The following NAV2 variants were observed in gnomAD, a reference collection of about 807,000 sequenced individuals.
NAV2 encodes the protein neuron navigator 2, also known as helicase, APC down-regulated 1.
NAV2 carries 54 observed loss-of-function variants against 223.2 expected under a neutral mutation model. That is an observed-to-expected ratio of 0.24 (90% CI 0.19 to 0.30). The LOEUF (loss-of-function observed/expected upper bound fraction) is 0.30, where lower values mean the gene tolerates loss of function less well. NAV2 is among the 10% of genes least tolerant of loss of function. NAV2 has a pLI of 1.00. For synonymous variants in NAV2, 1,279 were observed against 1,239.3 expected (o/e 1.03, Z -0.67); for missense variants, 2,806 against 3,147.5 (o/e 0.89, Z 2.60).
chr11:19,984,416 AGG>A (rs2050579133), intron 11 of NAV2, among the ~76,000 whole-genome samples, 169 bp downstream of exon 11: 1 of 152,066 alleles, frequency 6.6e-6, no homozygotes, highest in African/African-American at 2.4e-5. Flanking sequence ...TAGGTAGGAA[AGG>A]GCTGCCGAGG....
At chr11:19,622,524 C>T (rs1338327556) in intron 1 of NAV2, among the ~76,000 whole-genome samples, 1 of 152,122 alleles carries the variant, frequency 6.6e-6, no homozygotes, top group Admixed American at 6.6e-5. Flanking sequence ...CCTTCCTTGT[C>T]TCTTTTGATC....
chr11:19,595,389 C>T (rs750377045), intron 1 of NAV2, among the ~76,000 whole-genome samples: 11 of 152,152 alleles, frequency 7.2e-5, no homozygotes, highest in Non-Finnish European at 1.6e-4. Context: ...GTGTCTGCTA[C>T]ACCACTTTAA....
chr11:19,615,432 C>T (rs2046763674), intron 1 of NAV2, among the ~76,000 whole-genome samples: 1 of 151,914 alleles, frequency 6.6e-6, no homozygotes, highest in Non-Finnish European at 1.5e-5. Flanking sequence ...ATGTCTTAGG[C>T]AATGTCTAAC....
At position 20,101,030 on chromosome 11, in the gene NAV2, G is replaced by A. The variant is rs751254159; in HGVS notation, c.6275G>A (p.Arg2092His). 25 of 1,613,960 alleles carry A rather than the reference G, an allele frequency of 1.5e-5. No individual in the cohort carries two copies. Among genetic ancestry groups the A allele is most frequent in the Middle Eastern group, 3.3e-4 (2 of 6,084 alleles). ...TACGTCTCCCTCCTGATAGAGCACC[G>A]TCGGATCATTCTCTCTGGCCCCAGC... is the stretch of plus-strand genomic sequence containing the variant. ...QRYVSLLIEH[R>H]RIILSGPSGT... The change falls in exon 32 of 38, where the codon CGT becomes CAT. Residue 2092 changes from arginine (R) to histidine (H), a missense_variant. This residue lies in a region of NAV2 where 824 missense variants were observed against 1,069.4 expected (regional missense o/e 0.77). Coordinates refer to ENST00000349880, the MANE Select transcript of NAV2 (RefSeq NM_145117.5).
At chr11:20,117,050 C>A (rs10766628) in intron 37 of NAV2, among the ~76,000 whole-genome samples, 111,293 of 151,982 alleles carry the variant, frequency 0.73, 43,074 homozygotes, top group Middle Eastern at 0.88. Context: ...TGCAGCCTGG[C>A]GCATCTGGGT....
At chr11:19,756,250 A>C (rs1035701) in intron 1 of NAV2, among the ~76,000 whole-genome samples, 41,439 of 152,070 alleles carry the variant, frequency 0.27, 5,960 homozygotes, top group Middle Eastern at 0.4. Context: ...GGGTATGCTT[A>C]AATTATTGCT....
intron 3 of NAV2, 72 bp from the exon 4 acceptor site, chr11:19,868,853 T>C (rs929023968): frequency 6.8e-7 from 1 of 1,473,902 alleles, no homozygotes; most frequent in Non-Finnish European, 9.4e-7. Context: ...GTTTTCCCAT[T>C]GTTCCTCATA....
At chr11:19,497,071 AC>A (rs2042819469) in intron 1 of NAV2, among the ~76,000 whole-genome samples, 1 of 152,174 alleles carries the variant, frequency 6.6e-6, no homozygotes, top group Non-Finnish European at 1.5e-5. Context: ...TAAAGATAGT[AC>A]CCATCCCAGC....
chr11:20,036,468 T>C (rs2056384874), intron 12 of NAV2, among the ~76,000 whole-genome samples: 1 of 152,204 alleles, frequency 6.6e-6, no homozygotes, highest in Non-Finnish European at 1.5e-5. Flanking sequence ...AGCAAGCCAC[T>C]GCTATCCAGG....
intron 4 of NAV2, among the ~76,000 whole-genome samples, chr11:19,870,500 C>G (rs1197825281): frequency 6.6e-6 from 1 of 152,108 alleles, no homozygotes; most frequent in African/African-American, 2.4e-5. Flanking sequence ...CTCTGCAGGC[C>G]TGCTTCATCC....
chr11:20,078,149 T>C, intron 24 of NAV2, 45 bp downstream of exon 24: 5 of 1,368,752 alleles, frequency 3.7e-6, no homozygotes, highest in Non-Finnish European at 5.2e-6. Context: ...CTGCCTGCCC[T>C]TAGGAGCCCT....
At chr11:19,357,584 T>G (rs1853691068) in intron 1 of NAV2, among the ~76,000 whole-genome samples, 1 of 152,198 alleles carries the variant, frequency 6.6e-6, no homozygotes. Context: ...GTAAGAGGCC[T>G]ATTGGAGGAG....
chr11:19,733,298 C>T (rs1056158602), intron 1 of NAV2, among the ~76,000 whole-genome samples: 2 of 152,166 alleles, frequency 1.3e-5, no homozygotes, highest in African/African-American at 4.8e-5. Context: ...ATGTCTTAGA[C>T]CCATTTTTCA....
At chr11:19,691,186 G>A (rs1421765688) in intron 1 of NAV2, among the ~76,000 whole-genome samples, 4 of 151,804 alleles carry the variant, frequency 2.6e-5, no homozygotes, top group Non-Finnish European at 5.9e-5. Flanking sequence ...CTAGGCCAGC[G>A]TTATCCAGTA....
intron 1 of NAV2, among the ~76,000 whole-genome samples, chr11:19,756,149 G>C (rs2054214458): frequency 6.6e-6 from 1 of 152,122 alleles, no homozygotes; most frequent in South Asian, 2.1e-4. Flanking sequence ...TGTTCCTCAT[G>C]GGCAAGGAAT....
At chr11:19,601,883 T>C (rs930490563) in intron 1 of NAV2, among the ~76,000 whole-genome samples, 5 of 152,196 alleles carry the variant, frequency 3.3e-5, no homozygotes, top group African/African-American at 1.2e-4. Context: ...CTCTAGGAAC[T>C]AGAAAATCAT....
chr11:19,661,369 T>G (rs558439388), intron 1 of NAV2, among the ~76,000 whole-genome samples: 1 of 152,206 alleles, frequency 6.6e-6, no homozygotes, highest in Non-Finnish European at 1.5e-5. Context: ...CTTGGGTTGC[T>G]TCTATATTTT....
chr11:19,413,119 C>G (rs937069959), intron 1 of NAV2, among the ~76,000 whole-genome samples: 1 of 152,112 alleles, frequency 6.6e-6, no homozygotes, highest in Admixed American at 6.5e-5. Context: ...TGGGTAATAA[C>G]AAACTCCTTC....
chr11:20,115,908 G>T (rs183322837), intron 37 of NAV2, among the ~76,000 whole-genome samples: 2 of 152,192 alleles, frequency 1.3e-5, no homozygotes, highest in Admixed American at 6.5e-5. Context: ...ACCAAACCTT[G>T]TCTCAAACAA....
Sources: gnomAD v4.1 joint callset for allele counts (sites outside exome capture counted in the v4.1 genomes callset) on GRCh38, gnomAD v4.1.1 for gene constraint, gnomAD v4.1.1 regional missense constraint, MANE v1.5 for transcripts, NCBI Gene and HGNC (gene_info 2026-07-23, HGNC 2026-07-21) for gene names.